Variants in AKT3 observed in about 807,000 individuals in gnomAD.
AKT3 encodes AKT serine/threonine kinase 3, also known as RAC-gamma serine/threonine-protein kinase.
AKT3 carries 15 observed loss-of-function variants against 65.3 expected under a neutral mutation model. The observed-to-expected ratio is 0.23, with a 90% confidence interval of 0.15 to 0.35. AKT3 has a LOEUF of 0.35. Ranked by LOEUF, AKT3 falls within the 10% of genes least tolerant of loss-of-function variation. The probability of loss-of-function intolerance (pLI) is 1.00; values close to 1 mark genes in which losing one functional copy is unlikely to be tolerated. For synonymous variants in AKT3, 206 were observed against 183.8 expected (o/e 1.12, Z -0.98); for missense variants, 243 against 576.5 (o/e 0.42, Z 5.92).
chr1:243,825,981 A>C (rs1694142231), intron 2 of AKT3, among the ~76,000 whole-genome samples: 1 of 152,002 alleles, frequency 6.6e-6, no homozygotes. Flanking sequence ...AAAATACAAA[A>C]ATTAGCCAGG....
intron 13 of AKT3, among the ~76,000 whole-genome samples, chr1:243,509,130 A>G (rs1214133954): frequency 6.6e-6 from 1 of 152,202 alleles, no homozygotes; most frequent in East Asian, 1.9e-4. Flanking sequence ...TTACAGCATG[A>G]TCCATGTCTG....
intron 2 of AKT3, among the ~76,000 whole-genome samples, chr1:243,831,264 C>T (rs1694490383): frequency 6.6e-6 from 1 of 152,026 alleles, no homozygotes; most frequent in African/African-American, 2.4e-5. Flanking sequence ...ACAGTGCTGT[C>T]AAGGAGGTTA....
intron 3 of AKT3, among the ~76,000 whole-genome samples, chr1:243,681,233 GTGTA>G (rs1244412894): frequency 6.6e-6 from 1 of 152,052 alleles, no homozygotes; most frequent in African/African-American, 2.4e-5. Context: ...ACACATATAT[GTGTA>G]TGTATGTACA....
chr1:243,638,540 C>T (rs986537939), intron 5 of AKT3, among the ~76,000 whole-genome samples: 1 of 152,120 alleles, frequency 6.6e-6, no homozygotes, highest in Non-Finnish European at 1.5e-5. Flanking sequence ...CCCTCCCCGA[C>T]CCAGCTTTTC....
intron 2 of AKT3, among the ~76,000 whole-genome samples, chr1:243,818,423 G>T (rs1455545372): frequency 6.6e-6 from 1 of 152,008 alleles, no homozygotes; most frequent in Non-Finnish European, 1.5e-5. Flanking sequence ...CCCAGTTTCT[G>T]GCACATATTT....
At chr1:243,623,243 T>C (rs1678900831) in intron 6 of AKT3, among the ~76,000 whole-genome samples, 1 of 152,148 alleles carries the variant, frequency 6.6e-6, no homozygotes, top group Non-Finnish European at 1.5e-5. Context: ...AGGTACTGCT[T>C]GCCTATGTGA....
chr1:243,645,653 G>A (rs1369418662), intron 5 of AKT3, among the ~76,000 whole-genome samples: 1 of 152,126 alleles, frequency 6.6e-6, no homozygotes, highest in Non-Finnish European at 1.5e-5. Flanking sequence ...TAGTGTGATG[G>A]CACATCAGTC....
intron 8 of AKT3, among the ~76,000 whole-genome samples, chr1:243,579,481 A>G (rs1351695575): frequency 6.6e-6 from 1 of 152,218 alleles, no homozygotes; most frequent in Non-Finnish European, 1.5e-5. Context: ...AAAGTTTCAG[A>G]AAGACAGGAA....
chr1:243,842,925 T>C (rs1208540280), intron 2 of AKT3, among the ~76,000 whole-genome samples, 200 bp downstream of exon 2: 2 of 152,166 alleles, frequency 1.3e-5, no homozygotes, highest in Non-Finnish European at 2.9e-5. Context: ...AACTAGATTA[T>C]AAATGCTCAA....
intron 3 of AKT3, among the ~76,000 whole-genome samples, chr1:243,678,845 C>T (rs1411456132): frequency 1.3e-5 from 2 of 152,150 alleles, no homozygotes; most frequent in African/African-American, 4.8e-5. Flanking sequence ...CGTTTATACA[C>T]AGTCAACTCT....
rs138126975 is a variant in AKT3 at position 243,640,995 on chromosome 1, G to A, written c.430-3253C>T. 1.7e-3 allele frequency among the ~76,000 whole-genome samples: 264 copies of A among 152,098 alleles called. 1 individual carries two copies. Among genetic ancestry groups the A allele is most frequent in the East Asian group, 8.3e-3 (43 of 5,160 alleles). ...GGAAAGGCATACCCACCCTTAAGCC[G>A]GGTGGGCACCATCTAATCAGCTGCC... On this transcript the variant is annotated intron_variant, in intron 5 of 13. Coordinates refer to ENST00000673466, the MANE Select transcript of AKT3 (RefSeq NM_005465.7).
intron 3 of AKT3, among the ~76,000 whole-genome samples, chr1:243,674,397 C>T (rs747251295): frequency 6.6e-5 from 10 of 151,842 alleles, no homozygotes; most frequent in Non-Finnish European, 1.5e-4. Context: ...CTAGGTACCT[C>T]TTGACATAAC....
At chr1:243,753,259 A>C (rs1688920744) in intron 2 of AKT3, among the ~76,000 whole-genome samples, 1 of 152,230 alleles carries the variant, frequency 6.6e-6, no homozygotes, top group Non-Finnish European at 1.5e-5. Flanking sequence ...GGTCTTAAGC[A>C]GTGTAAAAAA....
At chr1:243,530,715 A>G (rs1178359148) in intron 12 of AKT3, among the ~76,000 whole-genome samples, 2 of 152,212 alleles carry the variant, frequency 1.3e-5, no homozygotes, top group Non-Finnish European at 2.9e-5. Flanking sequence ...AAAGTACAAA[A>G]GATGAACAAA....
rs547234398 is a variant in AKT3, at chr1:243,825,508, G to A, written c.46+17617C>T. Among the ~76,000 whole-genome samples, 7 of 152,234 alleles carry A rather than the reference G, an allele frequency of 4.6e-5. No individual in the cohort carries two copies. The East Asian group carries it at 1.3e-3, about 29-fold the overall frequency. ...AGGGATAATAACCATTAAAATATGT[G>A]GCTTTAAGACAATCCAAGTAACTGT... On this transcript the variant is annotated intron_variant, in intron 2 of 13. Transcript: ENST00000673466.
intron 12 of AKT3, among the ~76,000 whole-genome samples, chr1:243,513,568 A>G (rs1209136320): frequency 6.6e-6 from 1 of 152,258 alleles, no homozygotes. Flanking sequence ...ATTTTTAAGA[A>G]TCGTGGGATG....
At chr1:243,637,824 T>C (rs1680087518) in intron 5 of AKT3, 82 bp from the exon 6 acceptor site, 1 of 1,045,654 alleles carries the variant, frequency 9.6e-7, no homozygotes. Flanking sequence ...GTTTGCAATA[T>C]CCACTCAAAA....
chr1:243,659,749 T>C (rs576873188), intron 4 of AKT3, among the ~76,000 whole-genome samples: 6 of 152,282 alleles, frequency 3.9e-5, no homozygotes, highest in African/African-American at 1.4e-4. Context: ...GTGAGAGATA[T>C]ACAGATTTAG....
At chr1:243,754,573 G>A (rs894362329) in intron 2 of AKT3, among the ~76,000 whole-genome samples, 1 of 152,178 alleles carries the variant, frequency 6.6e-6, no homozygotes, top group South Asian at 2.1e-4. Flanking sequence ...GTGAGCAGCA[G>A]GTGAGCGAGC....
Sources: allele counts gnomAD v4.1 joint callset (sites outside exome capture counted in the v4.1 genomes callset), GRCh38; gene constraint gnomAD v4.1.1; transcripts MANE v1.5; gene names NCBI Gene and HGNC (gene_info 2026-07-23, HGNC 2026-07-21).